Variants in MSI2 observed in about 807,000 individuals in gnomAD.
The protein encoded by MSI2 is musashi RNA binding protein 2.
Under a neutral mutation model 45.6 loss-of-function variants are expected in MSI2, and 17 were observed. The ratio of observed to expected loss-of-function variants is 0.37; its 90% confidence interval spans 0.26 to 0.56. The LOEUF is 0.56. Ranked by LOEUF, MSI2 falls within the 20% of genes least tolerant of loss-of-function variation. MSI2 has a pLI of 0.77. For missense variants in MSI2, 293 were observed against 444.2 expected (o/e 0.66, Z 3.06); for synonymous variants, 156 against 158.2 (o/e 0.99, Z 0.11).
chr17:57,375,875 T>C (rs886374609), intron 5 of MSI2, among the ~76,000 whole-genome samples: 2 of 152,162 alleles, frequency 1.3e-5, no homozygotes, highest in Non-Finnish European at 2.9e-5. Flanking sequence ...TCTGTTCCTG[T>C]AGCCAAGGCA....
At chr17:57,386,523 T>TA (rs1385849759) in intron 5 of MSI2, among the ~76,000 whole-genome samples, 3 of 152,286 alleles carry the variant, frequency 2.0e-5, no homozygotes, top group Admixed American at 2.0e-4. Context: ...TTTTAGGTGC[T>TA]AGGAATACAG....
Position 57,596,488 on chromosome 17 carries a change from C to T in MSI2, c.455-380C>T, listed in dbSNP as rs1029938097. On this transcript the variant is annotated intron_variant, in intron 7 of 13. Coordinates refer to ENST00000284073, the MANE Select transcript of MSI2 (RefSeq NM_138962.4). This position sits in a 1 kb window ranked among gnomAD's most constrained non-coding sequence, Gnocchi z 4.6. The stretch of plus-strand genomic sequence containing the variant: ...CCCGAGGGCTGGCCAGGGCTGCTCG[C>T]GGAAAGGGCAAGCGTGGCCCCGCAG... Among the ~76,000 whole-genome samples, 1 of 152,204 alleles carries T rather than the reference C, an allele frequency of 6.6e-6. No homozygotes were observed. The highest frequency in any genetic ancestry group is 1.9e-4 in the East Asian group (1 of 5,202).
intron 5 of MSI2, among the ~76,000 whole-genome samples, chr17:57,282,572 T>A (rs568007959): frequency 6.6e-5 from 10 of 152,170 alleles, no homozygotes; most frequent in Non-Finnish European, 8.8e-5. Flanking sequence ...ATCATTTTTT[T>A]ATGGCAGCCT....
At chr17:57,573,221 T>A (rs542791968) in intron 7 of MSI2, among the ~76,000 whole-genome samples, 1 of 152,246 alleles carries the variant, frequency 6.6e-6, no homozygotes, top group Non-Finnish European at 1.5e-5. Context: ...CCAAATGCAT[T>A]GATCCCTATA....
chr17:57,267,294 C>T (rs1907891081), intron 5 of MSI2: 2 of 152,292 alleles, frequency 1.3e-5, no homozygotes, highest in Non-Finnish European at 2.9e-5. Flanking sequence ...ACCGCTCCTT[C>T]CTATGTTCCA....
intron 5 of MSI2, among the ~76,000 whole-genome samples, chr17:57,314,403 C>G (rs1293005566): frequency 6.6e-6 from 1 of 151,782 alleles, no homozygotes; most frequent in Non-Finnish European, 1.5e-5. Flanking sequence ...GGGTTTCCCG[C>G]CAAAGGGAAA....
chr17:57,282,818 G>A (rs1357643473), intron 5 of MSI2, among the ~76,000 whole-genome samples: 1 of 148,248 alleles, frequency 6.7e-6, no homozygotes, highest in African/African-American at 2.5e-5. Context: ...GGCTGGGGTT[G>A]GGGGGTGGGG....
intron 6 of MSI2, among the ~76,000 whole-genome samples, chr17:57,506,051 A>G (rs2086221228): frequency 6.6e-6 from 1 of 152,180 alleles, no homozygotes; most frequent in African/African-American, 2.4e-5. Flanking sequence ...TGTAATACTC[A>G]TCTTATCTCC....
chr17:57,551,734 T>A (rs1437823991), intron 7 of MSI2, among the ~76,000 whole-genome samples: 1 of 152,122 alleles, frequency 6.6e-6, no homozygotes, highest in Non-Finnish European at 1.5e-5. Context: ...GCCATTTGCA[T>A]ATGAGACTTC....
At chr17:57,536,911 AG>A (rs1451538616) in intron 7 of MSI2, among the ~76,000 whole-genome samples, 2 of 152,140 alleles carry the variant, frequency 1.3e-5, no homozygotes, top group Non-Finnish European at 2.9e-5. Context: ...TGGGTGGCAG[AG>A]GGTGGGGCGG....
chr17:57,289,417 A>G (rs1910210119), intron 5 of MSI2, among the ~76,000 whole-genome samples: 1 of 152,116 alleles, frequency 6.6e-6, no homozygotes, highest in South Asian at 2.1e-4. Flanking sequence ...GGCACACACA[A>G]ATTTGTCACT....
chr17:57,359,085 G>C (rs1235341857), intron 5 of MSI2, among the ~76,000 whole-genome samples: 1 of 152,082 alleles, frequency 6.6e-6, no homozygotes, highest in Non-Finnish European at 1.5e-5. Context: ...AGTGGCAGGG[G>C]CCCCTTCCTT....
At chr17:57,303,949 T>G (rs929130499) in intron 5 of MSI2, among the ~76,000 whole-genome samples, 3 of 152,096 alleles carry the variant, frequency 2.0e-5, no homozygotes, top group African/African-American at 7.2e-5. Context: ...CCCTCAAGCA[T>G]GGGAGGACCT....
chr17:57,637,839 C>T (rs928973934), intron 10 of MSI2, among the ~76,000 whole-genome samples: 15 of 152,250 alleles, frequency 9.9e-5, no homozygotes, highest in Non-Finnish European at 2.1e-4. Context: ...GTGAGGGAGG[C>T]TGCAGGTGAC....
intron 7 of MSI2, among the ~76,000 whole-genome samples, chr17:57,591,019 A>T (rs1307756672): frequency 6.6e-6 from 1 of 152,192 alleles, no homozygotes; most frequent in South Asian, 2.1e-4. Context: ...GACTCGCCAT[A>T]GACTAGAATC....
chr17:57,663,546 A>G (rs1271427042), intron 11 of MSI2, among the ~76,000 whole-genome samples: 3 of 152,174 alleles, frequency 2.0e-5, no homozygotes, highest in Non-Finnish European at 4.4e-5. Context: ...TGTGACAGAC[A>G]TAGGATCCAG....
chr17:57,525,168 G>T, intron 6 of MSI2, among the ~76,000 whole-genome samples: 1 of 152,270 alleles, frequency 6.6e-6, no homozygotes, highest in South Asian at 2.1e-4. Flanking sequence ...AGTCTGAACC[G>T]TGCAGTAGTC....
chr17:57,614,072 A>G (rs1907438212), intron 8 of MSI2, among the ~76,000 whole-genome samples: 2 of 151,824 alleles, frequency 1.3e-5, no homozygotes, highest in African/African-American at 4.8e-5. Context: ...ATTTTTTGAG[A>G]TAGAGTCTCG....
chr17:57,415,193 C>T (rs568443212), intron 6 of MSI2, among the ~76,000 whole-genome samples: 3 of 152,062 alleles, frequency 2.0e-5, no homozygotes, highest in Non-Finnish European at 4.4e-5. Flanking sequence ...CCAGACTTGC[C>T]GTCTTGTGAT....
Sources: allele counts gnomAD v4.1 joint callset (sites outside exome capture counted in the v4.1 genomes callset), GRCh38; gene constraint gnomAD v4.1.1; non-coding constraint Gnocchi (gnomAD v3.1); transcripts MANE v1.5; gene names NCBI Gene and HGNC (gene_info 2026-07-23, HGNC 2026-07-21).